DGKI: variants seen among roughly 807,000 people sequenced by gnomAD.
DGKI encodes the protein DAG kinase iota.
In DGKI, 55 loss-of-function variants were observed where a neutral mutation model predicts 147.5. The observed-to-expected ratio is 0.37, with a 90% confidence interval of 0.30 to 0.47. The LOEUF (loss-of-function observed/expected upper bound fraction) is 0.47, where lower values mean the gene tolerates loss of function less well. DGKI is among the 20% of genes least tolerant of loss of function. The probability of loss-of-function intolerance (pLI) is 1.00; values close to 1 mark genes in which losing one functional copy is unlikely to be tolerated. For synonymous variants in DGKI, 469 were observed against 477.1 expected, an observed-to-expected ratio of 0.98 and a Z score of 0.22; for missense variants, 1,007 against 1,323.8, an observed-to-expected ratio of 0.76 and a Z score of 3.71.
chr7:137,450,714 C>T (rs953156817), intron 27 of DGKI, among the ~76,000 whole-genome samples: 11 of 151,942 alleles, frequency 7.2e-5, no homozygotes, highest in Non-Finnish European at 2.9e-5. Context: ...AAGAGCGAAA[C>T]TCTGTCTCGA....
intron 19 of DGKI, among the ~76,000 whole-genome samples, chr7:137,554,449 A>G (rs1398739888): frequency 3.3e-5 from 5 of 152,118 alleles, no homozygotes; most frequent in African/African-American, 1.2e-4. Context: ...AGAACGTCAG[A>G]TATTGCTTTT....
chr7:137,555,670 G>A (rs73728713), intron 19 of DGKI, among the ~76,000 whole-genome samples: 16,576 of 152,020 alleles, frequency 0.11, 2,029 homozygotes, highest in African/African-American at 0.3. Flanking sequence ...AACTTACGAA[G>A]TTTGGTGTAA....
intron 14 of DGKI, among the ~76,000 whole-genome samples, chr7:137,582,992 G>A (rs1474129268): frequency 6.6e-6 from 1 of 152,122 alleles, no homozygotes; most frequent in Non-Finnish European, 1.5e-5. Flanking sequence ...GATTTCAAAA[G>A]TATGTTTTTT....
Position 137,609,539 on chromosome 7 carries a change from A to G in DGKI, c.1064T>C (p.Met355Thr), listed in dbSNP as rs1476969322. Reference protein sequence around the residue: ...SFKRKASKRGMEQENKGRPFV... With the variant: ...SFKRKASKRGTEQENKGRPFV... ...ATAAAACTCTGAAACACTTACTTCC[A>G]TCCCTCTTTTACTGGCTTTTCTTTT... The change falls in exon 9 of 33, where the codon ATG becomes ACG. Residue 355 changes from methionine (M) to threonine (T), a missense_variant. Coordinates refer to ENST00000614521, the MANE Select transcript of DGKI (RefSeq NM_001321708.2). 6.2e-7 allele frequency: 1 copy of G among 1,610,418 alleles called. No individual in the cohort carries two copies. The highest frequency in any genetic ancestry group is 2.2e-5 in the East Asian group (1 of 44,836).
chr7:137,440,443 G>A (rs1256917623), intron 28 of DGKI, among the ~76,000 whole-genome samples: 1 of 152,208 alleles, frequency 6.6e-6, no homozygotes, highest in Non-Finnish European at 1.5e-5. Flanking sequence ...AACTTACACA[G>A]TAGTAAATAT....
chr7:137,465,315 A>G (rs760597638), intron 26 of DGKI, among the ~76,000 whole-genome samples: 22 of 152,220 alleles, frequency 1.4e-4, no homozygotes, highest in Non-Finnish European at 3.1e-4. Context: ...AAATGCCAGG[A>G]ATGACTTTAA....
intron 19 of DGKI, among the ~76,000 whole-genome samples, chr7:137,567,718 C>A (rs1410061251): frequency 6.6e-6 from 1 of 152,128 alleles, no homozygotes; most frequent in African/African-American, 2.4e-5. Flanking sequence ...ACTGGAAATT[C>A]AAACTCTGAG....
intron 1 of DGKI, among the ~76,000 whole-genome samples, chr7:137,733,475 G>A (rs1247328599): frequency 6.6e-6 from 1 of 151,988 alleles, no homozygotes; most frequent in Admixed American, 6.6e-5. Context: ...ACCACATCTG[G>A]TTTATCTATC....
intron 23 of DGKI, among the ~76,000 whole-genome samples, chr7:137,473,985 C>T (rs906902150): frequency 6.6e-6 from 1 of 152,152 alleles, no homozygotes; most frequent in Non-Finnish European, 1.5e-5. Context: ...AAGTAGAGTT[C>T]TAACTTCTGT....
chr7:137,625,486 A>T (rs1056951439), intron 6 of DGKI, among the ~76,000 whole-genome samples: 17 of 151,366 alleles, frequency 1.1e-4, no homozygotes, highest in South Asian at 2.1e-4. Context: ...TAAAAAATTT[A>T]AAAAAAAATA....
Position 137,609,615 on chromosome 7 carries a change from G to C in DGKI, c.994-6C>G. ...TTTGAAGCCTTCAGGGAGTTCTGTAGGGAGAGAGAGAAATGCCTGAGCTCA... is the reference window on the plus strand; with the variant it reads ...TTTGAAGCCTTCAGGGAGTTCTGTACGGAGAGAGAGAAATGCCTGAGCTCA... On this transcript the variant is annotated splice_polypyrimidine_tract_variant and splice_region_variant and intron_variant, in intron 8 of 32. Coordinates refer to ENST00000614521, the MANE Select transcript of DGKI (RefSeq NM_001321708.2). The C allele has an allele frequency of 1.2e-6, 2 of 1,611,054 alleles. No individual in the cohort carries two copies. The highest frequency in any genetic ancestry group is 2.2e-5 in the South Asian group (2 of 90,906).
chr7:137,665,230 G>A (rs1285878581), intron 3 of DGKI, among the ~76,000 whole-genome samples: 2 of 152,178 alleles, frequency 1.3e-5, no homozygotes, highest in African/African-American at 2.4e-5. Context: ...ATGGGGGCCT[G>A]AACTGGAGTG....
At chr7:137,631,442 A>C (rs2129001884) in intron 6 of DGKI, among the ~76,000 whole-genome samples, 1 of 152,320 alleles carries the variant, frequency 6.6e-6, no homozygotes, top group Admixed American at 6.5e-5. Flanking sequence ...AAATGATCTA[A>C]TAATCTTTGC....
intron 1 of DGKI, among the ~76,000 whole-genome samples, chr7:137,831,674 A>G (rs937909089): frequency 6.6e-6 from 1 of 152,144 alleles, no homozygotes; most frequent in Non-Finnish European, 1.5e-5. Flanking sequence ...TCATTCCACC[A>G]CTGGCCCCTG....
chr7:137,717,295 T>G (rs1794407334), intron 1 of DGKI, among the ~76,000 whole-genome samples: 1 of 152,234 alleles, frequency 6.6e-6, no homozygotes, highest in African/African-American at 2.4e-5. Context: ...CACGCCTTTT[T>G]TGGCTCTCAA....
chr7:137,677,274 A>C (rs1301299187), intron 3 of DGKI, among the ~76,000 whole-genome samples: 1 of 152,244 alleles, frequency 6.6e-6, no homozygotes, highest in Non-Finnish European at 1.5e-5. Flanking sequence ...AAATTAATAA[A>C]AAAGAATTTA....
At chr7:137,593,267 A>C (rs145532077) in intron 12 of DGKI, among the ~76,000 whole-genome samples, 1 of 152,316 alleles carries the variant, frequency 6.6e-6, no homozygotes, top group Non-Finnish European at 1.5e-5. Context: ...TTAAGGAACC[A>C]TAATGAGAGT....
chr7:137,489,080 C>T (rs996487540), intron 21 of DGKI, among the ~76,000 whole-genome samples: 4 of 152,130 alleles, frequency 2.6e-5, no homozygotes, highest in African/African-American at 7.2e-5. Flanking sequence ...AATCCCACCA[C>T]CCCATTCCCT....
At chr7:137,403,390 T>C (rs1487065621) in intron 30 of DGKI, among the ~76,000 whole-genome samples, 2 of 152,312 alleles carry the variant, frequency 1.3e-5, no homozygotes, top group South Asian at 4.1e-4. Context: ...GCCCCCAGCC[T>C]GCTTTAAAAG....
Sources: gnomAD v4.1 joint callset for allele counts (sites outside exome capture counted in the v4.1 genomes callset) on GRCh38, gnomAD v4.1.1 for gene constraint, MANE v1.5 for transcripts, NCBI Gene and HGNC (gene_info 2026-07-23, HGNC 2026-07-21) for gene names.